SLC22A17: variants seen among roughly 807,000 people sequenced by gnomAD.
SLC22A17 encodes solute carrier family 22 member 17, also known as 24p3 receptor.
SLC22A17 carries 38 observed loss-of-function variants against 53.6 expected under a neutral mutation model. The ratio of observed to expected loss-of-function variants is 0.71; its 90% CI spans 0.55 to 0.93. SLC22A17 has a LOEUF of 0.93. Among genes scored for constraint, SLC22A17 ranks in the 40% least tolerant of loss-of-function variants. The pLI, the probability that SLC22A17 is intolerant of heterozygous loss-of-function variation, is 0.00. For missense variants in SLC22A17, 704 were observed against 791.0 expected, an observed-to-expected ratio of 0.89 and a Z score of 1.32; for synonymous variants, 379 against 353.0, an observed-to-expected ratio of 1.07 and a Z score of -0.82.
chr14:23,347,573 A>C lies in SLC22A17; in HGVS notation c.1436T>G (p.Leu479Arg). 1 of 1,614,092 alleles carries C rather than the reference A, an allele frequency of 6.2e-7. No individual in the cohort carries two copies. Among genetic ancestry groups the C allele is most frequent in the South Asian group, 1.1e-5 (1 of 91,088 alleles). Residue 479 changes from leucine to arginine, a missense_variant, in exon 8 of 10, where the codon CTT (leucine) becomes CGT (arginine). Leu to Arg is a moderately radical substitution (Grantham distance 102). This residue lies in a region of SLC22A17 where 435 missense variants were observed against 529.0 expected (regional missense o/e 0.82). Coordinates refer to ENST00000397267, the Ensembl canonical transcript of SLC22A17. The surrounding 1 kb of genome is among the most constrained non-coding windows in gnomAD (Gnocchi z 5.1). ...GCCGGTAAGGGTCATGGAGAGAAGAAGGATGCCCCGGCGGCCAAATCGGTC... is the reference window on the plus strand; with the variant it reads ...GCCGGTAAGGGTCATGGAGAGAAGACGGATGCCCCGGCGGCCAAATCGGTC...
At position 23,352,043 on chromosome 14, in the gene SLC22A17, A is replaced by C. The variant is rs1276096037; in HGVS notation, c.505T>G (p.Ser169Ala). ...TCCGGCGGGGCGAAGCCGCTGCACG[A>C]GGGGTCGGTACTGGTGGCGACACGG... is the stretch of plus-strand genomic sequence containing the variant. Residue 169 changes from serine to alanine, a missense_variant, in exon 2 of 10, where the codon TCG becomes GCG. Physicochemically the swap from Ser to Ala is moderately conservative, Grantham distance 99. Around this residue, in one of 4 missense-constraint regions of SLC22A17, gnomAD observed 435 missense variants for 529.0 expected, o/e 0.82. Coordinates refer to ENST00000397267, the Ensembl canonical transcript of SLC22A17. This position sits in a 1 kb window ranked among gnomAD's most constrained non-coding sequence, Gnocchi z 7.2. The C allele has an allele frequency of 6.2e-7, 1 of 1,607,700 alleles. No individual in the cohort carries two copies. Among genetic ancestry groups the C allele is most frequent in the Non-Finnish European group, 8.5e-7 (1 of 1,177,466 alleles).
chr14:23,347,936 T>C lies in SLC22A17; in HGVS notation c.1232A>G (p.Asn411Ser). The change falls in exon 7 of 10, where the codon AAC (asparagine) becomes AGC (serine). Residue 411 changes from asparagine to serine, a missense_variant. Physicochemically the swap from Asn to Ser is conservative, Grantham distance 46 (BLOSUM62 1). Transcript: ENST00000397267. This position sits in a 1 kb window ranked among gnomAD's most constrained non-coding sequence, Gnocchi z 5.1. ...CAGATTTTTCCAGATGTTGCGGTAG[T>C]TGAGGAGGGAAGCAAAGGAAAAGGA... 1 of 1,614,024 alleles carries C rather than the reference T, an allele frequency of 6.2e-7. No individual in the cohort carries two copies.
chr14:23,351,894 G>C, intron 2 of SLC22A17, 39 bp from the exon 3 acceptor site: 2 of 1,611,076 alleles, frequency 1.2e-6, no homozygotes, highest in Non-Finnish European at 1.7e-6. Context: ...GTGAGGCCCC[G>C]CCCTCGCCGC....
chr14:23,348,345 C>T lies in SLC22A17; in HGVS notation c.1026-39G>A. The T allele has an allele frequency of 6.2e-7, 1 of 1,610,790 alleles. No individual in the cohort carries two copies. The highest frequency in any genetic ancestry group is 8.5e-7 in the Non-Finnish European group (1 of 1,177,790). On this transcript the variant is annotated intron_variant, in intron 5 of 9. Transcript: ENST00000397267. The surrounding 1 kb of genome is among the most constrained non-coding windows in gnomAD (Gnocchi z 4.5). ...GGAAGGGGTATACTGTGAGGCCTCC[C>T]TTCTCCTGATCTAGGGGTGGGAAAT...
At position 23,348,657 on chromosome 14, in the gene SLC22A17, C is replaced by A. The variant is rs764005139; in HGVS notation, c.874G>T (p.Asp292Tyr). ...GCCACCCGAAGCCTCTGGGTTGGGT[C>A]GCACAGCTCCAGGCCTGGAGATACA... Residue 292 changes from aspartate to tyrosine, a missense_variant, in exon 5 of 10, where the codon GAC becomes TAC. Asp to Tyr is a radical substitution (Grantham distance 160). Around this residue, in one of 4 missense-constraint regions of SLC22A17, gnomAD observed 435 missense variants for 529.0 expected, o/e 0.82. Transcript: ENST00000397267. The surrounding 1 kb of genome is among the most constrained non-coding windows in gnomAD (Gnocchi z 4.5). The A allele has an allele frequency of 3.1e-6, 5 of 1,611,794 alleles. No individual in the cohort carries two copies. Among genetic ancestry groups the A allele is most frequent in the Admixed American group, 1.7e-5 (1 of 59,782 alleles).
Position 23,348,760 on chromosome 14 carries a change from C to G in SLC22A17, c.860-89G>C, listed in dbSNP as rs2138514683. 3.6e-6 allele frequency: 5 copies of G among 1,377,438 alleles called. No homozygotes were observed. In the African/African-American group the frequency reaches 4.4e-5, roughly 12 times the overall value. The allele number at this position is 1,377,438 out of a possible 1,614,324, so 85.3% of individuals were successfully genotyped here. A position where few individuals can be genotyped will look rare whatever the true frequency, so the allele number is the denominator to read the frequency against. ...AAGAAGAAAGAGGGAGGGAGGAGGACAGAGAGAGAGGTCAGACCCAGAGTG... is the reference window on the plus strand; with the variant it reads ...AAGAAGAAAGAGGGAGGGAGGAGGAGAGAGAGAGAGGTCAGACCCAGAGTG... On this transcript the variant is annotated intron_variant, in intron 4 of 9. Transcript: ENST00000397267. This position sits in a 1 kb window ranked among gnomAD's most constrained non-coding sequence, Gnocchi z 4.5.
chr14:23,347,404 G>A lies in SLC22A17; in HGVS notation c.1549+56C>T. 1.9e-6 allele frequency: 3 copies of A among 1,586,252 alleles called. No individual in the cohort carries two copies. The highest frequency in any genetic ancestry group is 2.6e-6 in the Non-Finnish European group (3 of 1,165,916). Reference sequence around the variant, plus strand: ...CTCGTGGAAGAGCTGGGCAGGGTCTGGGGCTTGTCTTGGGAGGCCTGTGCC... The same window carrying A: ...CTCGTGGAAGAGCTGGGCAGGGTCTAGGGCTTGTCTTGGGAGGCCTGTGCC... On this transcript the variant is annotated intron_variant, in intron 8 of 9. Transcript: ENST00000397267. This position sits in a 1 kb window ranked among gnomAD's most constrained non-coding sequence, Gnocchi z 5.1.
At position 23,347,160 on chromosome 14, in the gene SLC22A17, G is replaced by T. The variant is rs2138510842; in HGVS notation, c.1602C>A (p.Ser534=). ...GGGTGCTGAGGATGGCGGCAGCTTG[G>T]GAGGAGAAGAGCCCAAGGACAGAGA... The change falls in exon 9 of 10, where the codon TCC becomes TCA. Residue 534 remains serine, a synonymous_variant. Transcript: ENST00000397267. The surrounding 1 kb of genome is among the most constrained non-coding windows in gnomAD (Gnocchi z 5.1). 1 of 1,613,976 alleles carries T rather than the reference G, an allele frequency of 6.2e-7. No individual in the cohort carries two copies. Among genetic ancestry groups the T allele is most frequent in the Non-Finnish European group, 8.5e-7 (1 of 1,179,956 alleles).
rs563074566 is a variant in SLC22A17 at position 23,351,841 on chromosome 14, A to G, written c.615T>C (p.Cys205=). ...CCAGGATCACCTGCCAGCCCAGGTC[A>G]CACACCAGATCCCACTGGGGATGTG... The change falls in exon 3 of 10, where the codon TGT becomes TGC. Residue 205 remains cysteine (C), a synonymous_variant. Coordinates refer to ENST00000397267, the Ensembl canonical transcript of SLC22A17. 4 of 1,613,544 alleles carry G rather than the reference A, an allele frequency of 2.5e-6. No homozygotes were observed. The African/African-American group carries it at 5.3e-5, about 22-fold the overall frequency.
At chr14:23,346,725 G>C (rs961682100) in exon 10 of SLC22A17, 2 of 1,545,784 alleles carry the variant, frequency 1.3e-6, no homozygotes, top group African/African-American at 1.3e-5. Context: ...AGCAGGGAAG[G>C]CCGGCGACAC....
Position 23,348,502 on chromosome 14 carries a change from T to G in SLC22A17, c.1025+4A>C. On this transcript the variant is annotated splice_donor_region_variant and intron_variant, in intron 5 of 9. Coordinates refer to ENST00000397267, the Ensembl canonical transcript of SLC22A17. This position sits in a 1 kb window ranked among gnomAD's most constrained non-coding sequence, Gnocchi z 4.5. ...CCAGACGACAGGTGAAGGGTAATACTGACCCATAAAACAGGAAGAGGATGC... is the reference window on the plus strand; with the variant it reads ...CCAGACGACAGGTGAAGGGTAATACGGACCCATAAAACAGGAAGAGGATGC... 1 of 1,613,272 alleles carries G rather than the reference T, an allele frequency of 6.2e-7. No individual in the cohort carries two copies. The highest frequency in any genetic ancestry group is 1.1e-5 in the South Asian group (1 of 90,958).
chr14:23,348,729 A>C lies in SLC22A17; in HGVS notation c.860-58T>G. On this transcript the variant is annotated intron_variant, in intron 4 of 9. Coordinates refer to ENST00000397267, the Ensembl canonical transcript of SLC22A17. The surrounding 1 kb of genome is among the most constrained non-coding windows in gnomAD (Gnocchi z 4.5). ...GGAGGCCAGGGAGGAAGAAGGCATA[A>C]GAGAGAAGAAGAAAGAGGGAGGGAG... The C allele has an allele frequency of 6.6e-7, 1 of 1,507,986 alleles. No individual in the cohort carries two copies. The highest frequency in any genetic ancestry group is 8.9e-7 in the Non-Finnish European group (1 of 1,124,710). The allele number at this position is 1,507,986 out of a possible 1,614,324, so 93.4% of individuals were successfully genotyped here.
In SLC22A17 at chr14:23,352,170, G is replaced by A; in HGVS notation, c.378C>T (p.Cys126=). 1 of 1,531,468 alleles carries A rather than the reference G, an allele frequency of 6.5e-7. No homozygotes were observed. Among genetic ancestry groups the A allele is most frequent in the Non-Finnish European group, 8.7e-7 (1 of 1,143,750 alleles). 94.9% of individuals were successfully genotyped at this position (1,531,468 alleles called of 1,614,324 possible). A position where few individuals can be genotyped will look rare whatever the true frequency, so the allele number is the denominator to read the frequency against. The change falls in exon 2 of 10, where the codon TGC becomes TGT. Residue 126 remains cysteine, a synonymous_variant. Coordinates refer to ENST00000397267, the Ensembl canonical transcript of SLC22A17. This position sits in a 1 kb window ranked among gnomAD's most constrained non-coding sequence, Gnocchi z 7.2. ...CATTAGGGGGGAAGGCCCCGTAGTG[G>A]CAATGCAGCGGGGGCGCCAGCGTGA...
At chr14:23,351,959 CGTT>C (rs1889657561) in exon 2 of SLC22A17, 2 of 1,612,776 alleles carry the variant, frequency 1.2e-6, no homozygotes, top group African/African-American at 2.7e-5. Context: ...TGGCCGATGG[CGTT>C]GGTGGTGAGC....
At chr14:23,346,883 C>T (rs1343197411) in exon 10 of SLC22A17, 4 of 1,538,118 alleles carry the variant, frequency 2.6e-6, no homozygotes, top group Non-Finnish European at 3.5e-6. Flanking sequence ...CTGGGCCGGG[C>T]CGCTCAGTCC....
Position 23,352,149 on chromosome 14 carries a change from A to AG in SLC22A17, c.398dup (p.Asn134Ter), listed in dbSNP as rs1428639185. On this transcript the variant is annotated frameshift_variant, in exon 2 of 10. Coordinates refer to ENST00000397267, the Ensembl canonical transcript of SLC22A17. LOFTEE classifies it high-confidence loss of function. This position sits in a 1 kb window ranked among gnomAD's most constrained non-coding sequence, Gnocchi z 7.2. ...GAGGCTGCTCCCAGCCAGAGGCATT[A>AG]GGGGGGAAGGCCCCGTAGTGGCAAT... The AG allele has an allele frequency of 6.4e-7, 1 of 1,566,910 alleles. No homozygotes were observed.
chr14:23,347,586 G>A lies in SLC22A17; in HGVS notation c.1423C>T (p.Arg475Cys), dbSNP rs771292313. Residue 475 changes from arginine (R) to cysteine (C), a missense_variant, in exon 8 of 10, where the codon CGC becomes TGC. Around this residue, in one of 4 missense-constraint regions of SLC22A17, gnomAD observed 435 missense variants for 529.0 expected, o/e 0.82. Transcript: ENST00000397267. The surrounding 1 kb of genome is among the most constrained non-coding windows in gnomAD (Gnocchi z 5.1). ...ATGGAGAGAAGAAGGATGCCCCGGCGGCCAAATCGGTCCACGGTGACCCCC... is the reference window on the plus strand; with the variant it reads ...ATGGAGAGAAGAAGGATGCCCCGGCAGCCAAATCGGTCCACGGTGACCCCC... 3.7e-6 allele frequency: 6 copies of A among 1,614,032 alleles called. No individual in the cohort carries two copies. Among genetic ancestry groups the A allele is most frequent in the East Asian group, 4.5e-5 (2 of 44,868 alleles).
At position 23,348,330 on chromosome 14, in the gene SLC22A17, T is replaced by C. The variant is rs777453322; in HGVS notation, c.1026-24A>G. 1 of 1,612,948 alleles carries C rather than the reference T, an allele frequency of 6.2e-7. No homozygotes were observed. The highest frequency in any genetic ancestry group is 8.5e-7 in the Non-Finnish European group (1 of 1,179,342). ...AGCTGGGGGCAGGGGGGAAGGGGTA[T>C]ACTGTGAGGCCTCCCTTCTCCTGAT... is the stretch of plus-strand genomic sequence containing the variant. On this transcript the variant is annotated intron_variant, in intron 5 of 9. Coordinates refer to ENST00000397267, the Ensembl canonical transcript of SLC22A17. This position sits in a 1 kb window ranked among gnomAD's most constrained non-coding sequence, Gnocchi z 4.5.
At chr14:23,346,624 C>G (rs1348177196) in exon 10 of SLC22A17, 1 of 1,453,784 alleles carries the variant, frequency 6.9e-7, no homozygotes, top group Non-Finnish European at 9.1e-7. Context: ...GGGCCAGCCT[C>G]CCGCCAGGGT....
Sources: gnomAD v4.1 joint callset for allele counts on GRCh38, gnomAD v4.1.1 for gene constraint, gnomAD v4.1.1 regional missense constraint, Gnocchi (gnomAD v3.1) non-coding constraint, MANE v1.5 for transcripts, NCBI Gene and HGNC (gene_info 2026-07-23, HGNC 2026-07-21) for gene names.